The following CA10 variants were observed in gnomAD, a reference collection of about 807,000 sequenced individuals.
CA10 encodes carbonic anhydrase-related protein 10.
Under a neutral mutation model 44.2 loss-of-function variants are expected in CA10, and 14 were observed. The ratio of observed to expected loss-of-function variants is 0.32; its 90% CI spans 0.21 to 0.50. The LOEUF is 0.50. Ranked by LOEUF, CA10 falls within the 20% of genes least tolerant of loss-of-function variation. The probability of loss-of-function intolerance (pLI) is 0.99; values close to 1 mark genes in which losing one functional copy is unlikely to be tolerated. For synonymous variants in CA10, 159 were observed against 141.6 expected (o/e 1.12, Z -0.87); for missense variants, 350 against 409.7 (o/e 0.85, Z 1.26).
intron 3 of CA10, among the ~76,000 whole-genome samples, chr17:51,887,381 C>G (rs919025242): frequency 6.6e-6 from 1 of 152,116 alleles, no homozygotes; most frequent in African/African-American, 2.4e-5. Flanking sequence ...TGTTAGCAAT[C>G]AAACCTGAAG....
At chr17:51,889,276 CT>C (rs1187364593) in intron 3 of CA10, among the ~76,000 whole-genome samples, 1 of 152,140 alleles carries the variant, frequency 6.6e-6, no homozygotes, top group Non-Finnish European at 1.5e-5. Context: ...CATCCTAACA[CT>C]TTGGGAGGCT....
chr17:52,142,852 A>T (rs1157511053), intron 1 of CA10, among the ~76,000 whole-genome samples: 1 of 152,184 alleles, frequency 6.6e-6, no homozygotes, highest in African/African-American at 2.4e-5. Flanking sequence ...AACTTACCCA[A>T]AGCCAACCAG....
chr17:51,722,319 A>G (rs1040735059), intron 4 of CA10, among the ~76,000 whole-genome samples: 1 of 152,022 alleles, frequency 6.6e-6, no homozygotes, highest in African/African-American at 2.4e-5. Context: ...AGCCACTTCA[A>G]TGATCTGGCC....
rs572035488 is a variant in CA10, at chr17:51,958,804, T to C, written c.137-27672A>G. Among the ~76,000 whole-genome samples, 9 of 152,066 alleles carry C rather than the reference T, an allele frequency of 5.9e-5. No homozygotes were observed. In the East Asian group the frequency reaches 1.4e-3, roughly 23 times the overall value. On this transcript the variant is annotated intron_variant, in intron 2 of 8. Coordinates refer to ENST00000451037, the MANE Select transcript of CA10 (RefSeq NM_020178.5). ...GCAAAAACAAAACGAGAAGAAAACA[T>C]GAGAATACCAATAGAAGAAAAATAT...
rs78107588 is a variant in CA10, at chr17:51,718,197, G to C, written c.465+29436C>G. Among the ~76,000 whole-genome samples, 369 of 149,740 alleles carry C rather than the reference G, an allele frequency of 2.5e-3. 2 individuals carry two copies. Among genetic ancestry groups the C allele is most frequent in the Admixed American group, 4.6e-3 (69 of 15,034 alleles). ...TTAGTCATGTAACCAAATACCACCT[G>C]TACCCCAATAATTTATGAAAAAAAG... is the stretch of plus-strand genomic sequence containing the variant. On this transcript the variant is annotated intron_variant, in intron 4 of 8. Transcript: ENST00000451037.
intron 3 of CA10, among the ~76,000 whole-genome samples, chr17:51,878,606 T>C (rs948659492): frequency 5.3e-5 from 8 of 151,824 alleles, no homozygotes; most frequent in Non-Finnish European, 1.2e-4. Flanking sequence ...ATTGTGTGAG[T>C]TGGGCTTCCA....
chr17:51,806,881 G>A (rs962435001), intron 3 of CA10, among the ~76,000 whole-genome samples: 22 of 152,208 alleles, frequency 1.4e-4, no homozygotes, highest in Non-Finnish European at 8.8e-5. Context: ...ATGTTATGTG[G>A]TGCTGGCTAG....
chr17:51,898,458 T>C (rs1981168475), intron 3 of CA10, among the ~76,000 whole-genome samples: 1 of 152,122 alleles, frequency 6.6e-6, no homozygotes, highest in Non-Finnish European at 1.5e-5. Context: ...TTTGCCAGTA[T>C]TTTGTTGACG....
chr17:52,105,025 G>C (rs112429399), intron 1 of CA10, among the ~76,000 whole-genome samples: 6 of 152,152 alleles, frequency 3.9e-5, no homozygotes, highest in Non-Finnish European at 7.4e-5. Context: ...TAGACGCTCA[G>C]CTTCCAGGGA....
At chr17:51,868,882 AGTT>A (rs1378023182) in intron 3 of CA10, among the ~76,000 whole-genome samples, 1 of 144,444 alleles carries the variant, frequency 6.9e-6, no homozygotes, top group Non-Finnish European at 1.5e-5. Flanking sequence ...TGAAGCCAAA[AGTT>A]TTTTTGTTTT....
Position 51,827,338 on chromosome 17 carries a change from A to T in CA10, c.280-79520T>A, listed in dbSNP as rs1267803800. On this transcript the variant is annotated intron_variant, in intron 3 of 8. Transcript: ENST00000451037. ...ACCACTAGGAGAGAAACACGCACAC[A>T]CACACACACACACACATACACACAC... Among the ~76,000 whole-genome samples the T allele has an allele frequency of 5.3e-5, 8 of 150,950 alleles. No individual in the cohort carries two copies. The South Asian group carries it at 1.7e-3, about 32-fold the overall frequency.
intron 2 of CA10, among the ~76,000 whole-genome samples, chr17:51,981,662 AAAT>A (rs770402764): frequency 6.6e-6 from 1 of 152,088 alleles, no homozygotes; most frequent in Non-Finnish European, 1.5e-5. Flanking sequence ...CACTGTAAAT[AAAT>A]AATATTTTCA....
At chr17:51,907,064 T>C (rs1037450913) in intron 3 of CA10, among the ~76,000 whole-genome samples, 7 of 152,136 alleles carry the variant, frequency 4.6e-5, no homozygotes, top group Non-Finnish European at 7.4e-5. Flanking sequence ...TTCTAGTGGT[T>C]CCCTGTAACA....
intron 6 of CA10, among the ~76,000 whole-genome samples, chr17:51,648,113 G>A (rs542120899): frequency 3.3e-5 from 5 of 152,332 alleles, no homozygotes; most frequent in East Asian, 3.9e-4. Context: ...GTGAGTAAAC[G>A]GCTGAGTGAA....
chr17:51,689,272 C>T (rs1320218075), intron 4 of CA10, among the ~76,000 whole-genome samples: 3 of 152,102 alleles, frequency 2.0e-5, no homozygotes, highest in Non-Finnish European at 4.4e-5. Flanking sequence ...TTAAAAATGG[C>T]CATTTACAAA....
intron 3 of CA10, among the ~76,000 whole-genome samples, chr17:51,819,401 C>G (rs973592762): frequency 1.3e-5 from 2 of 152,124 alleles, no homozygotes; most frequent in African/African-American, 4.8e-5. Flanking sequence ...CACCACAAAC[C>G]CTTACTATGA....
intron 2 of CA10, among the ~76,000 whole-genome samples, chr17:51,967,491 T>C (rs1377340094): frequency 1.3e-5 from 2 of 151,810 alleles, no homozygotes; most frequent in Non-Finnish European, 1.5e-5. Context: ...ATCTATACTA[T>C]GGAATACTAT....
At chr17:52,045,013 T>C (rs561497199) in intron 2 of CA10, among the ~76,000 whole-genome samples, 33 of 151,802 alleles carry the variant, frequency 2.2e-4, no homozygotes, top group African/African-American at 7.7e-4. Context: ...CACAATAAGA[T>C]GCATCATAAC....
chr17:51,804,336 T>C (rs1488521272), intron 3 of CA10, among the ~76,000 whole-genome samples: 1 of 152,206 alleles, frequency 6.6e-6, no homozygotes, highest in Non-Finnish European at 1.5e-5. Context: ...CGCATTTGTT[T>C]CCAATGCTTC....
Sources: gnomAD v4.1 joint callset for allele counts (sites outside exome capture counted in the v4.1 genomes callset) on GRCh38, gnomAD v4.1.1 for gene constraint, MANE v1.5 for transcripts, NCBI Gene and HGNC (gene_info 2026-07-23, HGNC 2026-07-21) for gene names.